Variants in FIBCD1 observed in about 807,000 individuals in gnomAD.
FIBCD1 encodes fibrinogen C domain containing 1.
A neutral mutation model predicts 45.1 loss-of-function variants in FIBCD1; 47 were observed. That is an observed-to-expected ratio of 1.04 (90% CI 0.82 to 1.33). The LOEUF is 1.33. FIBCD1 is among the 40% of genes most tolerant of loss of function. FIBCD1 has a pLI of 0.00. For missense variants in FIBCD1, 653 were observed against 682.2 expected, an observed-to-expected ratio of 0.96 and a Z score of 0.48; for synonymous variants, 313 against 308.1, an observed-to-expected ratio of 1.02 and a Z score of -0.17.
At chr9:130,907,997 G>T (rs1418908799) in intron 5 of FIBCD1, among the ~76,000 whole-genome samples, 1 of 150,086 alleles carries the variant, frequency 6.7e-6, no homozygotes, top group African/African-American at 2.5e-5. Flanking sequence ...GGAAAGCAGG[G>T]GCTAAAACCC....
rs1436728649 is a variant in FIBCD1, at chr9:130,926,834, T to C, written c.553-2438A>G. 3.9e-5 allele frequency among the ~76,000 whole-genome samples: 6 copies of C among 151,952 alleles called. No individual in the cohort carries two copies. Among genetic ancestry groups the C allele is most frequent in the African/African-American group, 1.4e-4 (6 of 41,428 alleles). On this transcript the variant is annotated intron_variant, in intron 2 of 6. Transcript: ENST00000372338. The surrounding 1 kb of genome is among the most constrained non-coding windows in gnomAD (Gnocchi z 4.1). ...AGACAACCGTGTCTCAAAAAATAAATAAATGAATTAAAATAAAATAAAATG... is the reference window on the plus strand; with the variant it reads ...AGACAACCGTGTCTCAAAAAATAAACAAATGAATTAAAATAAAATAAAATG...
chr9:130,926,682 C>T lies in FIBCD1; in HGVS notation c.553-2286G>A, dbSNP rs576951879. Among the ~76,000 whole-genome samples, 11 of 151,816 alleles carry T rather than the reference C, an allele frequency of 7.2e-5. No homozygotes were observed. The highest frequency in any genetic ancestry group is 2.2e-4 in the African/African-American group (9 of 41,368). On this transcript the variant is annotated intron_variant, in intron 2 of 6. Coordinates refer to ENST00000372338, the MANE Select transcript of FIBCD1 (RefSeq NM_032843.5). This position sits in a 1 kb window ranked among gnomAD's most constrained non-coding sequence, Gnocchi z 4.1. The stretch of plus-strand genomic sequence containing the variant: ...TAAAAATACAAAAAAATTAGCCGGG[C>T]GTGGTGGCGGGCGCCTGTAGTCCCA...
At chr9:130,927,881 G>C (rs1046695893) in intron 2 of FIBCD1, among the ~76,000 whole-genome samples, 3 of 152,200 alleles carry the variant, frequency 2.0e-5, no homozygotes, top group Admixed American at 6.5e-5. Flanking sequence ...GGCTGGTTTT[G>C]AACTCCTGAC....
intron 4 of FIBCD1, among the ~76,000 whole-genome samples, chr9:130,923,213 T>C (rs960017459): frequency 3.3e-5 from 5 of 152,262 alleles, no homozygotes; most frequent in Middle Eastern, 3.4e-3. Context: ...TGACTGGCAG[T>C]TGGGGCATCT....
intron 4 of FIBCD1, among the ~76,000 whole-genome samples, chr9:130,913,355 G>A (rs982808761): frequency 1.3e-4 from 20 of 151,734 alleles, no homozygotes; most frequent in African/African-American, 3.2e-4. Flanking sequence ...ATCTGGCTGC[G>A]GCACCGGCGA....
rs1172008805 is a variant in FIBCD1 at position 130,922,206 on chromosome 9, T to G, written c.849+1538A>C. On this transcript the variant is annotated intron_variant, in intron 4 of 6. Coordinates refer to ENST00000372338, the MANE Select transcript of FIBCD1 (RefSeq NM_032843.5). The surrounding 1 kb of genome is among the most constrained non-coding windows in gnomAD (Gnocchi z 4.5). ...ACACCAAAAATAGTCAGCACCAAGA[T>G]CCCAGGCGAGATGCGTCCCGCACTC... Among the ~76,000 whole-genome samples the G allele has an allele frequency of 1.3e-5, 2 of 152,176 alleles. No homozygotes were observed. The highest frequency in any genetic ancestry group is 4.8e-5 in the African/African-American group (2 of 41,444).
intron 1 of FIBCD1, among the ~76,000 whole-genome samples, chr9:130,930,376 AGGGAGATGCG>A (rs1410165979): frequency 1.3e-5 from 2 of 148,944 alleles, no homozygotes; most frequent in Non-Finnish European, 3.0e-5. Context: ...AGGGAGACGC[AGGGAGATGCG>A]GGGAGACATG....
At chr9:130,938,341 G>C in intron 1 of FIBCD1, 195 bp downstream of exon 1, 1 of 459,766 alleles carries the variant, frequency 2.2e-6, no homozygotes, top group Non-Finnish European at 3.8e-6. Context: ...CAGGGGTGCC[G>C]CCCCCACCGA....
In FIBCD1 at chr9:130,930,759, G is replaced by A. The variant is rs1020296768; in HGVS notation, c.73-713C>T. 4.4e-5 allele frequency: 20 copies of A among 455,868 alleles called. No homozygotes were observed. In the Admixed American group the frequency reaches 4.7e-4, roughly 11 times the overall value. 28.2% of individuals were successfully genotyped at this position (455,868 alleles called of 1,614,324 possible). ...TGCATTTCCCACAGTGTGACCTTGGGCCAGGGGCCTCACCTCTCTGAGCCT... is the reference window on the plus strand; with the variant it reads ...TGCATTTCCCACAGTGTGACCTTGGACCAGGGGCCTCACCTCTCTGAGCCT... On this transcript the variant is annotated intron_variant, in intron 1 of 6. Transcript: ENST00000372338.
chr9:130,905,998 C>G (rs559690201), intron 5 of FIBCD1, among the ~76,000 whole-genome samples: 2 of 152,174 alleles, frequency 1.3e-5, no homozygotes, highest in African/African-American at 4.8e-5. Context: ...GCGGAATTCC[C>G]GTGACAGTGG....
At chr9:130,939,297 C>T (rs537674946), upstream of FIBCD1, 1 of 152,274 alleles carries the variant, frequency 6.6e-6, no homozygotes, top group Non-Finnish European at 1.5e-5. Flanking sequence ...GGCGCTCCTT[C>T]CGGCTCCCTC....
intron 4 of FIBCD1, among the ~76,000 whole-genome samples, chr9:130,919,869 C>A (rs993513050): frequency 1.3e-5 from 2 of 151,532 alleles, no homozygotes; most frequent in Non-Finnish European, 2.9e-5. Flanking sequence ...ACGTGTGTGA[C>A]CCCAGCCAGT....
Position 130,939,211 on chromosome 9 carries a change from C to G in FIBCD1, c.-604G>C, listed in dbSNP as rs1473710849. The G allele has an allele frequency of 6.6e-6, 1 of 152,012 alleles. No homozygotes were observed. Among genetic ancestry groups the G allele is most frequent in the Non-Finnish European group, 1.5e-5 (1 of 67,982 alleles). The allele number at this position is 152,012 out of a possible 1,614,324, so 9.4% of individuals were successfully genotyped here. A position where few individuals can be genotyped will look rare whatever the true frequency, so the allele number is the denominator to read the frequency against. On this transcript the variant is annotated 5_prime_UTR_variant, in exon 1 of 7. Coordinates refer to ENST00000372338, the MANE Select transcript of FIBCD1 (RefSeq NM_032843.5). ...CACAAACTTCCTCCCGGACCGGACT[C>G]ACACAAGTCACCATGCGCGGGGCGG...
At chr9:130,906,304 A>C (rs1831927854) in intron 5 of FIBCD1, among the ~76,000 whole-genome samples, 1 of 152,160 alleles carries the variant, frequency 6.6e-6, no homozygotes, top group Non-Finnish European at 1.5e-5. Flanking sequence ...GCATTTAATG[A>C]AATGTTTCAC....
In FIBCD1 at chr9:130,924,374, T is replaced by G; in HGVS notation, c.575A>C (p.His192Pro). The G allele has an allele frequency of 6.2e-7, 1 of 1,609,318 alleles. No individual in the cohort carries two copies. Among genetic ancestry groups the G allele is most frequent in the Non-Finnish European group, 8.5e-7 (1 of 1,178,932 alleles). ...LIQLLSESQG[H>P]MAHLVNSVSD... The stretch of plus-strand genomic sequence containing the variant: ...GACGGAGTTCACCAGGTGAGCCATG[T>G]GGCCCTGGCTCTCAGAGAGAAGCTG... The change falls in exon 3 of 7, where the codon CAC becomes CCC. Residue 192 changes from histidine to proline, a missense_variant. His to Pro is a moderately conservative substitution (Grantham distance 77). Transcript: ENST00000372338.
intron 5 of FIBCD1, 122 bp from the exon 6 acceptor site, chr9:130,905,535 G>A (rs969968046): frequency 2.9e-6 from 3 of 1,024,046 alleles, no homozygotes; most frequent in Non-Finnish European, 1.4e-6. Context: ...ACCACCAAGT[G>A]CGTGCAATCA....
chr9:130,927,315 C>G (rs1469975332), intron 2 of FIBCD1, among the ~76,000 whole-genome samples: 1 of 152,008 alleles, frequency 6.6e-6, no homozygotes, highest in East Asian at 1.9e-4. Context: ...TAAATTTCAG[C>G]TCACAAACAA....
chr9:130,911,736 TC>T, intron 5 of FIBCD1, 55 bp downstream of exon 5: 1 of 1,496,358 alleles, frequency 6.7e-7, no homozygotes, highest in South Asian at 1.2e-5. Flanking sequence ...CCCAACTGTG[TC>T]CGGAAGGCAG....
chr9:130,912,683 G>A (rs540168952), intron 4 of FIBCD1, among the ~76,000 whole-genome samples: 17 of 150,980 alleles, frequency 1.1e-4, no homozygotes, highest in African/African-American at 4.2e-4. Flanking sequence ...CTCCAGCCTG[G>A]GTGATAGAGC....
Sources: allele counts gnomAD v4.1 joint callset (sites outside exome capture counted in the v4.1 genomes callset), GRCh38; gene constraint gnomAD v4.1.1; non-coding constraint Gnocchi (gnomAD v3.1); transcripts MANE v1.5; gene names NCBI Gene and HGNC (gene_info 2026-07-23, HGNC 2026-07-21).